Variants in SERGEF observed in about 807,000 individuals in gnomAD.
SERGEF encodes the protein secretion-regulating guanine nucleotide exchange factor.
Under a neutral mutation model 50.0 loss-of-function variants are expected in SERGEF, and 51 were observed. The observed-to-expected ratio is 1.02, with a 90% confidence interval of 0.81 to 1.29. The LOEUF (loss-of-function observed/expected upper bound fraction) is 1.29, where lower values mean the gene tolerates loss of function less well. Among genes scored for constraint, SERGEF ranks in the 50% most tolerant of loss-of-function variants. SERGEF has a pLI of 0.00. For missense variants in SERGEF, 521 were observed against 557.0 expected, an observed-to-expected ratio of 0.94 and a Z score of 0.65; for synonymous variants, 205 against 212.4, an observed-to-expected ratio of 0.97 and a Z score of 0.30.
chr11:17,952,285 T>C (rs1239328120), intron 9 of SERGEF, among the ~76,000 whole-genome samples: 1 of 152,214 alleles, frequency 6.6e-6, no homozygotes, highest in Non-Finnish European at 1.5e-5. Context: ...AGTAAACATC[T>C]GTTGAATAAA....
At chr11:17,904,231 T>C (rs1368163558) in intron 9 of SERGEF, among the ~76,000 whole-genome samples, 1 of 152,258 alleles carries the variant, frequency 6.6e-6, no homozygotes, top group African/African-American at 2.4e-5. Flanking sequence ...GGCCACAGCC[T>C]GAACCAGTGA....
At chr11:17,796,316 T>C (rs1232667112) in intron 10 of SERGEF, among the ~76,000 whole-genome samples, 2 of 152,190 alleles carry the variant, frequency 1.3e-5, no homozygotes, top group African/African-American at 4.8e-5. Flanking sequence ...ACACAGGCAC[T>C]GTCAGTGTTG....
At chr11:17,957,782 A>G (rs1852906034) in intron 9 of SERGEF, among the ~76,000 whole-genome samples, 3 of 152,102 alleles carry the variant, frequency 2.0e-5, no homozygotes, top group Non-Finnish European at 4.4e-5. Flanking sequence ...ATATCCAAAG[A>G]ATGGTTTGAG....
At chr11:17,860,711 G>A (rs1368655723) in intron 10 of SERGEF, among the ~76,000 whole-genome samples, 1 of 152,122 alleles carries the variant, frequency 6.6e-6, no homozygotes, top group Non-Finnish European at 1.5e-5. Flanking sequence ...CTCAAATCCT[G>A]GTTTCATCAA....
chr11:18,010,853 G>C (rs1854179567), intron 1 of SERGEF, among the ~76,000 whole-genome samples: 1 of 152,156 alleles, frequency 6.6e-6, no homozygotes, highest in South Asian at 2.1e-4. Context: ...CAGCATGAAG[G>C]GGAATATAGA....
chr11:17,872,340 C>T (rs1030773003), intron 10 of SERGEF, among the ~76,000 whole-genome samples: 1 of 151,132 alleles, frequency 6.6e-6, no homozygotes, highest in African/African-American at 2.4e-5. Context: ...TAAGTACATA[C>T]ATATGTAAAA....
At chr11:17,841,978 T>A (rs930399847) in intron 10 of SERGEF, among the ~76,000 whole-genome samples, 2 of 152,242 alleles carry the variant, frequency 1.3e-5, no homozygotes, top group African/African-American at 4.8e-5. Flanking sequence ...CTTGATCATG[T>A]GAAGTAAGTG....
At chr11:17,988,568 C>T in intron 8 of SERGEF, 29 bp downstream of exon 8, 2 of 1,609,288 alleles carry the variant, frequency 1.2e-6, no homozygotes, top group Non-Finnish European at 1.7e-6. Flanking sequence ...CTGCTCTTAC[C>T]AACCGTAAGT....
chr11:17,911,938 T>A (rs549045896), intron 9 of SERGEF, among the ~76,000 whole-genome samples: 1 of 152,198 alleles, frequency 6.6e-6, no homozygotes, highest in East Asian at 1.9e-4. Flanking sequence ...GTTTGGAGTT[T>A]AAAAAAATGA....
chr11:17,826,201 C>T (rs1384729414), intron 10 of SERGEF, among the ~76,000 whole-genome samples: 1 of 152,196 alleles, frequency 6.6e-6, no homozygotes, highest in Non-Finnish European at 1.5e-5. Context: ...AGATGCTATT[C>T]AAGAATTCGA....
chr11:17,997,130 G>A (rs1486701530), intron 5 of SERGEF, among the ~76,000 whole-genome samples: 2 of 152,176 alleles, frequency 1.3e-5, no homozygotes, highest in Non-Finnish European at 2.9e-5. Flanking sequence ...CTGGGTGGTG[G>A]AGGCTGCAGT....
At chr11:17,875,877 G>A (rs534142505) in intron 10 of SERGEF, among the ~76,000 whole-genome samples, 1 of 152,346 alleles carries the variant, frequency 6.6e-6, no homozygotes, top group South Asian at 2.1e-4. Context: ...ACAGCACCAG[G>A]CACTGAAGGG....
chr11:17,948,443 C>T (rs1852712031), intron 9 of SERGEF, among the ~76,000 whole-genome samples: 1 of 152,148 alleles, frequency 6.6e-6, no homozygotes, highest in African/African-American at 2.4e-5. Flanking sequence ...TTTGTTGCTC[C>T]CTCGTGCAGA....
chr11:17,934,457 T>C (rs1216892892), intron 9 of SERGEF, among the ~76,000 whole-genome samples: 1 of 152,236 alleles, frequency 6.6e-6, no homozygotes, highest in Non-Finnish European at 1.5e-5. Context: ...ATGTCATTTA[T>C]CTTTAATTCA....
chr11:18,011,886 T>C (rs548691582), intron 1 of SERGEF, among the ~76,000 whole-genome samples: 15 of 152,254 alleles, frequency 9.9e-5, no homozygotes, highest in East Asian at 5.8e-4. Context: ...TCCTGCCAAA[T>C]TGCAGCCCCA....
At chr11:17,907,841 C>A (rs1480759825) in intron 9 of SERGEF, among the ~76,000 whole-genome samples, 2 of 152,178 alleles carry the variant, frequency 1.3e-5, no homozygotes, top group Non-Finnish European at 2.9e-5. Context: ...CATCAGGTTT[C>A]TCTTCAGACA....
chr11:17,819,444 T>G (rs760655875), intron 10 of SERGEF, among the ~76,000 whole-genome samples: 1 of 152,210 alleles, frequency 6.6e-6, no homozygotes, highest in African/African-American at 2.4e-5. Context: ...CTTTTCATTT[T>G]TATCTCCTTC....
chr11:17,921,331 A>G (rs994768798), intron 9 of SERGEF, among the ~76,000 whole-genome samples: 1 of 152,252 alleles, frequency 6.6e-6, no homozygotes, highest in African/African-American at 2.4e-5. Flanking sequence ...TGAAAGACTG[A>G]AGGAAGATTG....
rs1010949445 is a variant in SERGEF, at chr11:17,902,105, A to G, written c.1012-23861T>C. Among the ~76,000 whole-genome samples the G allele has an allele frequency of 3.9e-5, 6 of 152,242 alleles. No homozygotes were observed. The South Asian group carries it at 6.2e-4, about 16-fold the overall frequency. ...AAAGGTTGCATGCTTTATAGTTTGC[A>G]AAGAAACATTACTGTATTTTTTCAC... On this transcript the variant is annotated intron_variant, in intron 9 of 10. Transcript: ENST00000265965.
Sources: allele counts gnomAD v4.1 joint callset (sites outside exome capture counted in the v4.1 genomes callset), GRCh38; gene constraint gnomAD v4.1.1; transcripts MANE v1.5; gene names NCBI Gene and HGNC (gene_info 2026-07-23, HGNC 2026-07-21).